The following GREB1 variants were observed in gnomAD, a reference collection of about 807,000 sequenced individuals.
GREB1 encodes the protein growth regulating estrogen receptor binding 1, also known as protein GREB1.
In GREB1, 106 loss-of-function variants were observed where a neutral mutation model predicts 200.7. That is an observed-to-expected ratio of 0.53 (90% confidence interval 0.45 to 0.62). The LOEUF (loss-of-function observed/expected upper bound fraction) is 0.62. Ranked by LOEUF, GREB1 falls within the 20% of genes least tolerant of loss-of-function variation. GREB1 has a pLI of 0.00. For missense variants in GREB1, 2,243 were observed against 2,556.8 expected (o/e 0.88, Z 2.65); for synonymous variants, 1,132 against 1,092.4 (o/e 1.04, Z -0.72).
chr2:11,624,774 C>T (rs541915981), intron 23 of GREB1, among the ~76,000 whole-genome samples: 23 of 152,274 alleles, frequency 1.5e-4, no homozygotes, highest in Non-Finnish European at 2.9e-4. Flanking sequence ...TGAGGCCCAA[C>T]ATAAATTTGT....
intron 27 of GREB1, 87 bp from the exon 28 acceptor site, chr2:11,632,802 G>T: frequency 8.7e-7 from 1 of 1,150,718 alleles, no homozygotes; most frequent in Non-Finnish European, 1.3e-6. Flanking sequence ...TTGTCTGGGC[G>T]GCCCCGACAG....
chr2:11,635,367 G>T lies in GREB1; in HGVS notation c.5308G>T (p.Val1770Leu). The T allele has an allele frequency of 1.2e-6, 2 of 1,613,662 alleles. No homozygotes were observed. The highest frequency in any genetic ancestry group is 1.1e-5 in the South Asian group (1 of 91,010). Residue 1770 changes from valine (V) to leucine (L), a missense_variant, in exon 30 of 33, where the codon GTG becomes TTG. Coordinates refer to ENST00000381486, the MANE Select transcript of GREB1 (RefSeq NM_014668.4). Reference protein sequence around the residue: ...NRFSVMKKQIVVGGHRSFHIT... With the variant: ...NRFSVMKKQILVGGHRSFHIT... ...CTTCAGCGTGATGAAGAAGCAGATC[G>T]TGGTGGGCGGCCACAGGTCCTTCCA...
chr2:11,582,514 A>C (rs1679602005), intron 7 of GREB1, among the ~76,000 whole-genome samples: 1 of 151,950 alleles, frequency 6.6e-6, no homozygotes, highest in Non-Finnish European at 1.5e-5. Flanking sequence ...CGCCTTTCTG[A>C]GGTTAGTTCA....
At chr2:11,483,687 GGTGTGTGTGTGTGTGTGTGT>G (rs57352590) in intron 1 of GREB1, among the ~76,000 whole-genome samples, 1,497 of 132,380 alleles carry the variant, frequency 0.011, 32 homozygotes, top group African/African-American at 0.041. Context: ...TACAAGAAGG[GGTGTGTGTGTGTGTGTGTGT>G]GTGTGTGTGT....
At chr2:11,552,002 A>G (rs111287859) in intron 1 of GREB1, among the ~76,000 whole-genome samples, 39 of 152,352 alleles carry the variant, frequency 2.6e-4, no homozygotes, top group African/African-American at 8.9e-4. Context: ...CGCACTGACT[A>G]TACTCCGTCT....
intron 1 of GREB1, among the ~76,000 whole-genome samples, chr2:11,518,093 C>T (rs1324451514): frequency 2.0e-5 from 3 of 152,122 alleles, no homozygotes; most frequent in African/African-American, 7.2e-5. Context: ...ATAAAGGATA[C>T]AATAACTAAC....
chr2:11,543,772 C>A (rs12994182), intron 1 of GREB1, among the ~76,000 whole-genome samples: 105,522 of 151,986 alleles, frequency 0.69, 37,014 homozygotes, highest in South Asian at 0.84. Flanking sequence ...CTGGGAACCC[C>A]AGAGCGCTGT....
chr2:11,618,874 G>A lies in GREB1; in HGVS notation c.3999G>A (p.Val1333=). The stretch of plus-strand genomic sequence containing the variant: ...ACGGCAACCGGGCCGAGGGCCGCGT[G>A]GACGGCTTCCACCCCCGCAGGCTGC... ...MDYGNRAEGR[V]DGFHPRRLLL... The change falls in exon 22 of 33, where the codon GTG becomes GTA. Residue 1333 remains valine (V), a synonymous_variant. Transcript: ENST00000381486. 6.4e-7 allele frequency: 1 copy of A among 1,572,506 alleles called. No individual in the cohort carries two copies. Among genetic ancestry groups the A allele is most frequent in the Non-Finnish European group, 8.6e-7 (1 of 1,164,514 alleles).
At chr2:11,561,501 T>C (rs1255801562) in intron 2 of GREB1, among the ~76,000 whole-genome samples, 1 of 151,964 alleles carries the variant, frequency 6.6e-6, no homozygotes, top group Non-Finnish European at 1.5e-5. Context: ...GTAGCTGGGA[T>C]TACAGGCACA....
rs77322648 is a variant in GREB1 at position 11,524,851 on chromosome 2, T to C, written c.-158-31606T>C. ...TTGATTTCCTAGGGTCTTTTGGAGT[T>C]AAGGTGGCCAAAAAACTAAGTCCTG... On this transcript the variant is annotated intron_variant, in intron 1 of 2. Coordinates refer to the GREB1 transcript ENST00000628795. 9.9e-3 allele frequency among the ~76,000 whole-genome samples: 1,510 copies of C among 152,260 alleles called. 10 individuals are homozygous for C. Among genetic ancestry groups the C allele is most frequent in the Non-Finnish European group, 0.016 (1,070 of 68,014 alleles).
intron 1 of GREB1, among the ~76,000 whole-genome samples, chr2:11,554,727 A>G (rs1413985337): frequency 1.3e-5 from 2 of 152,230 alleles, no homozygotes; most frequent in African/African-American, 4.8e-5. Flanking sequence ...CAGTTGAATA[A>G]TCTGATTGAT....
intron 1 of GREB1, among the ~76,000 whole-genome samples, chr2:11,516,535 G>A (rs886410329): frequency 2.0e-5 from 3 of 152,252 alleles, no homozygotes; most frequent in East Asian, 3.9e-4. Flanking sequence ...ATTTGGCCTC[G>A]GGAGCTAATA....
In GREB1 at chr2:11,637,745, G is replaced by C; in HGVS notation, c.5376G>C (p.Pro1792=). 1 of 1,613,654 alleles carries C rather than the reference G, an allele frequency of 6.2e-7. No homozygotes were observed. The highest frequency in any genetic ancestry group is 8.5e-7 in the Non-Finnish European group (1 of 1,180,012). Residue 1792 remains proline (P), a synonymous_variant, in exon 31 of 33, where the codon CCG becomes CCC. Coordinates refer to ENST00000381486, the MANE Select transcript of GREB1 (RefSeq NM_014668.4). ...KVSDNSAAVV[P]AQYICAPDSK... is the part of the protein sequence containing the mutation. ...CTGATAACTCTGCCGCGGTCGTGCCGGCCCAGTACATCTGTGCCCCGGACA... is the reference window on the plus strand; with the variant it reads ...CTGATAACTCTGCCGCGGTCGTGCCCGCCCAGTACATCTGTGCCCCGGACA...
chr2:11,502,242 A>G (rs1466942384), intron 1 of GREB1, among the ~76,000 whole-genome samples: 1 of 125,124 alleles, frequency 8.0e-6, no homozygotes, highest in Non-Finnish European at 1.6e-5. Flanking sequence ...TTTTCCTGAG[A>G]CAGGGTCTCA....
rs1377187594 is a variant in GREB1 at position 11,550,795 on chromosome 2, C to A, written c.-161-5659C>A. On this transcript the variant is annotated intron_variant, in intron 1 of 32. Transcript: ENST00000381486. ...CTCTCCTGTCTCTTTGTCTTTGGGT[C>A]CTTATACCTGCACATTCCTTCACTG... 3.9e-5 allele frequency among the ~76,000 whole-genome samples: 6 copies of A among 152,156 alleles called. No homozygotes were observed. In the East Asian group the frequency reaches 1.2e-3, roughly 29 times the overall value.
chr2:11,601,108 C>T, intron 16 of GREB1, 113 bp downstream of exon 16: 1 of 822,768 alleles, frequency 1.2e-6, no homozygotes, highest in Non-Finnish European at 1.9e-6. Context: ...GTTCCAGCTC[C>T]TTGGATCTTT....
Position 11,618,932 on chromosome 2 carries a change from C to T in GREB1, c.4044+13C>T, listed in dbSNP as rs1452819162. The T allele has an allele frequency of 1.3e-5, 19 of 1,485,996 alleles. No individual in the cohort carries two copies. The highest frequency in any genetic ancestry group is 5.5e-5 in the African/African-American group (4 of 72,096). 92.1% of individuals were successfully genotyped at this position (1,485,996 alleles called of 1,614,324 possible). Reference sequence around the variant, plus strand: ...CGGCCCCCCTCAGGTGAGTGTTGCTCGCTGCCCCAGCACAGCCCCGGACTG... The same window carrying T: ...CGGCCCCCCTCAGGTGAGTGTTGCTTGCTGCCCCAGCACAGCCCCGGACTG... On this transcript the variant is annotated intron_variant, in intron 22 of 32. Transcript: ENST00000381486.
intron 29 of GREB1, among the ~76,000 whole-genome samples, chr2:11,634,552 A>G (rs932506563): frequency 6.6e-6 from 1 of 152,162 alleles, no homozygotes; most frequent in African/African-American, 2.4e-5. Flanking sequence ...ATGATGCTTT[A>G]TTGAGTGAGT....
chr2:11,483,407 C>A (rs1317103398), intron 1 of GREB1, among the ~76,000 whole-genome samples: 2 of 151,372 alleles, frequency 1.3e-5, no homozygotes, highest in Admixed American at 6.6e-5. Context: ...AGGTGGGAGC[C>A]GTGAACAGTG....
Sources: gnomAD v4.1 joint callset for allele counts (sites outside exome capture counted in the v4.1 genomes callset) on GRCh38, gnomAD v4.1.1 for gene constraint, MANE v1.5 for transcripts, NCBI Gene and HGNC (gene_info 2026-07-23, HGNC 2026-07-21) for gene names.